The following UPF2 variants were observed in gnomAD, a reference collection of about 807,000 sequenced individuals.
UPF2 encodes UPF2 regulator of nonsense mediated mRNA decay, also known as regulator of nonsense transcripts 2.
UPF2 carries 17 observed loss-of-function variants against 141.4 expected under a neutral mutation model. The observed-to-expected ratio is 0.12, with a 90% CI of 0.08 to 0.18. The LOEUF (loss-of-function observed/expected upper bound fraction) is 0.18, where lower values mean the gene tolerates loss of function less well. Among genes scored for constraint, UPF2 ranks in the 10% least tolerant of loss-of-function variants. UPF2 has a pLI of 1.00. For missense variants in UPF2, 1,152 were observed against 1,515.9 expected (o/e 0.76, Z 3.99); for synonymous variants, 540 against 498.0 (o/e 1.08, Z -1.12).
At chr10:11,974,305 C>T (rs538092321) in intron 9 of UPF2, among the ~76,000 whole-genome samples, 15 of 152,228 alleles carry the variant, frequency 9.9e-5, no homozygotes, top group East Asian at 1.9e-4. Flanking sequence ...TCTAAATATA[C>T]GATCATGTCA....
Position 11,955,478 on chromosome 10 carries a change from G to A in UPF2, c.2604C>T (p.Arg868=). ...EVNQPKFNQR[R]ISSAKFLGEL... ...CTCCTAAGAACTTGGCACTGCTGAT[G>A]CGCCTCTGATTAAATTTAGGTTGAT... The change falls in exon 14 of 22, where the codon CGC becomes CGT. Residue 868 remains arginine (R), a synonymous_variant. Coordinates refer to ENST00000357604, the MANE Select transcript of UPF2 (RefSeq NM_015542.4). 1 of 1,613,128 alleles carries A rather than the reference G, an allele frequency of 6.2e-7. No homozygotes were observed. The highest frequency in any genetic ancestry group is 8.5e-7 in the Non-Finnish European group (1 of 1,179,660).
intron 18 of UPF2, 141 bp downstream of exon 18, chr10:11,942,524 T>C (rs1832949154): frequency 1.6e-6 from 1 of 624,698 alleles, no homozygotes. Context: ...AGAAGCTGGC[T>C]GCAAGCTGTC....
Position 11,921,272 on chromosome 10 carries a change from C to T in UPF2, c.*26G>A. 6.2e-7 allele frequency: 1 copy of T among 1,614,096 alleles called. No individual in the cohort carries two copies. Among genetic ancestry groups the T allele is most frequent in the Non-Finnish European group, 8.5e-7 (1 of 1,179,994 alleles). On this transcript the variant is annotated 3_prime_UTR_variant, in exon 22 of 22. Transcript: ENST00000357604. This position sits in a 1 kb window ranked among gnomAD's most constrained non-coding sequence, Gnocchi z 5.9. ...CTAACCACAACATCAGATACAGGAC[C>T]TAATGAAATGACACGTGCTGCTGGA... is the stretch of plus-strand genomic sequence containing the variant.
intron 2 of UPF2, among the ~76,000 whole-genome samples, chr10:12,031,442 A>G (rs1038746584): frequency 6.6e-6 from 1 of 152,224 alleles, no homozygotes; most frequent in Non-Finnish European, 1.5e-5. Flanking sequence ...TTTAAATTGC[A>G]GAAGTAATAA....
At chr10:12,024,968 G>A (rs1834392868) in intron 3 of UPF2, among the ~76,000 whole-genome samples, 1 of 141,358 alleles carries the variant, frequency 7.1e-6, no homozygotes, top group Non-Finnish European at 1.5e-5. Context: ...CACAGCTACT[G>A]GATAATGACT....
intron 9 of UPF2, among the ~76,000 whole-genome samples, chr10:11,972,317 G>A (rs574222744): frequency 6.6e-6 from 1 of 152,116 alleles, no homozygotes; most frequent in Non-Finnish European, 1.5e-5. Context: ...ACCTACTGTA[G>A]GCTAAACATA....
chr10:11,930,896 A>C (rs532158957), intron 20 of UPF2, among the ~76,000 whole-genome samples: 16 of 152,344 alleles, frequency 1.1e-4, no homozygotes, highest in African/African-American at 3.8e-4. Context: ...CGGTTTATTC[A>C]TTCAGTACAG....
intron 1 of UPF2, among the ~76,000 whole-genome samples, chr10:12,038,736 CAAA>C (rs1358603953): frequency 2.0e-5 from 3 of 148,892 alleles, no homozygotes; most frequent in Admixed American, 6.7e-5. Context: ...CTCAAAAATA[CAAA>C]AAAAAACAAC....
chr10:12,031,610 C>CA (rs1466515332), intron 2 of UPF2, among the ~76,000 whole-genome samples: 1 of 152,018 alleles, frequency 6.6e-6, no homozygotes, highest in Non-Finnish European at 1.5e-5. Context: ...CCAATCTCTA[C>CA]AAAAAAATTT....
In UPF2 at chr10:11,979,256, T is replaced by C; in HGVS notation, c.1845-91A>G. On this transcript the variant is annotated intron_variant, in intron 8 of 21. Transcript: ENST00000357604. This position sits in a 1 kb window ranked among gnomAD's most constrained non-coding sequence, Gnocchi z 6.2. Reference sequence around the variant, plus strand: ...TAAACTTTTCAGATGTATTCACACATTAAATGATCTTAAAACTCATAATCA... The same window carrying C: ...TAAACTTTTCAGATGTATTCACACACTAAATGATCTTAAAACTCATAATCA... 1 of 859,834 alleles carries C rather than the reference T, an allele frequency of 1.2e-6. No homozygotes were observed. The highest frequency in any genetic ancestry group is 1.8e-6 in the Non-Finnish European group (1 of 558,620). The allele number at this position is 859,834 out of a possible 1,614,324, so 53.3% of individuals were successfully genotyped here.
At chr10:12,032,665 A>C (rs1040152278) in intron 2 of UPF2, among the ~76,000 whole-genome samples, 1 of 150,700 alleles carries the variant, frequency 6.6e-6, no homozygotes, top group African/African-American at 2.4e-5. Flanking sequence ...TTGAGCCCAG[A>C]AGGCAGAGAT....
intron 5 of UPF2, among the ~76,000 whole-genome samples, chr10:12,002,513 A>C (rs1833970555): frequency 6.6e-6 from 1 of 152,334 alleles, no homozygotes; most frequent in African/African-American, 2.4e-5. Context: ...TTTCTCCTTT[A>C]TGCAAGGGAT....
intron 14 of UPF2, among the ~76,000 whole-genome samples, chr10:11,954,338 T>A (rs545732063): frequency 5.4e-4 from 82 of 151,310 alleles, no homozygotes; most frequent in African/African-American, 1.1e-3. Context: ...TTTCTTTTTT[T>A]AAAAAAAAAT....
chr10:12,040,320 G>T (rs1834713634), intron 1 of UPF2, among the ~76,000 whole-genome samples: 1 of 152,166 alleles, frequency 6.6e-6, no homozygotes, highest in Non-Finnish European at 1.5e-5. Flanking sequence ...TACTCAGGAG[G>T]CTGAGGCAGG....
In UPF2 at chr10:11,959,043, G is replaced by T; in HGVS notation, c.2370+128C>A. 2.7e-6 allele frequency: 2 copies of T among 734,490 alleles called. No individual in the cohort carries two copies. Among genetic ancestry groups the T allele is most frequent in the Non-Finnish European group, 2.0e-6 (1 of 512,760 alleles). The allele number at this position is 734,490 out of a possible 1,614,324, so 45.5% of individuals were successfully genotyped here. On this transcript the variant is annotated intron_variant, in intron 12 of 21. Coordinates refer to ENST00000357604, the MANE Select transcript of UPF2 (RefSeq NM_015542.4). The surrounding 1 kb of genome is among the most constrained non-coding windows in gnomAD (Gnocchi z 5.9). Reference sequence around the variant, plus strand: ...TATCATCATAAGAATTCCTTCTTAGGGTGACTTACACAGAGCTGATTATAA... The same window carrying T: ...TATCATCATAAGAATTCCTTCTTAGTGTGACTTACACAGAGCTGATTATAA...
chr10:12,024,123 A>C (rs927750509), intron 3 of UPF2, among the ~76,000 whole-genome samples: 13 of 152,156 alleles, frequency 8.5e-5, no homozygotes, highest in African/African-American at 2.9e-4. Flanking sequence ...TGGAAGAACT[A>C]TTGCCCATTA....
Position 11,978,691 on chromosome 10 carries a change from C to A in UPF2, c.1953+366G>T, listed in dbSNP as rs528995616. The stretch of plus-strand genomic sequence containing the variant: ...ATTTGGACCCAAGCACCTAAAGAAG[C>A]ATATCCTATGTGGCACCACACCCGG... On this transcript the variant is annotated intron_variant, in intron 9 of 21. Transcript: ENST00000357604. 1.3e-4 allele frequency among the ~76,000 whole-genome samples: 20 copies of A among 152,266 alleles called. No individual in the cohort carries two copies. The South Asian group carries it at 3.9e-3, about 30-fold the overall frequency.
intron 4 of UPF2, among the ~76,000 whole-genome samples, chr10:12,010,603 C>A (rs1002026973): frequency 2.0e-5 from 3 of 152,034 alleles, no homozygotes; most frequent in African/African-American, 2.4e-5. Context: ...GACAACTGAA[C>A]AACCTAAAAT....
chr10:12,026,091 G>C (rs1478934164), intron 3 of UPF2, among the ~76,000 whole-genome samples: 2 of 152,100 alleles, frequency 1.3e-5, no homozygotes, highest in Non-Finnish European at 2.9e-5. Context: ...ACCGCACCCT[G>C]CCAGTACTAT....
Sources: gnomAD v4.1 joint callset for allele counts (sites outside exome capture counted in the v4.1 genomes callset) on GRCh38, gnomAD v4.1.1 for gene constraint, Gnocchi (gnomAD v3.1) non-coding constraint, MANE v1.5 for transcripts, NCBI Gene and HGNC (gene_info 2026-07-23, HGNC 2026-07-21) for gene names.